RMST: variants seen among roughly 807,000 people sequenced by gnomAD.
RMST encodes rhabdomyosarcoma 2 associated transcript.
chr12:97,473,363 TA>T (rs1161774341), intron 5 of RMST, among the ~76,000 whole-genome samples: 1 of 152,158 alleles, frequency 6.6e-6, no homozygotes, highest in Non-Finnish European at 1.5e-5. Context: ...AGGTTTATAG[TA>T]AAATACGTGT....
intron 10 of RMST, among the ~76,000 whole-genome samples, chr12:97,510,302 T>G (rs1879142396): frequency 6.6e-6 from 1 of 152,190 alleles, no homozygotes. Context: ...AAAATCCTAT[T>G]CATAAAAACC....
intron 11 of RMST, among the ~76,000 whole-genome samples, chr12:97,539,602 C>T (rs1182749103): frequency 6.6e-6 from 1 of 151,610 alleles, no homozygotes; most frequent in Non-Finnish European, 1.5e-5. Context: ...TTTTTGCTAT[C>T]ATGAGATTAT....
At chr12:97,556,481 C>T (rs985726720) in intron 11 of RMST, among the ~76,000 whole-genome samples, 4 of 152,134 alleles carry the variant, frequency 2.6e-5, no homozygotes, top group Non-Finnish European at 5.9e-5. Context: ...TGTCAGGAAG[C>T]CTTGACAAGA....
intron 10 of RMST, among the ~76,000 whole-genome samples, chr12:97,527,145 G>T (rs561868514): frequency 6.6e-6 from 1 of 152,158 alleles, no homozygotes; most frequent in African/African-American, 2.4e-5. Flanking sequence ...TTAATTAAAC[G>T]TATTGAAGTG....
chr12:97,499,723 G>A lies in RMST; in HGVS notation n.1340+3667G>A, dbSNP rs566189625. On this transcript the variant is annotated intron_variant and non_coding_transcript_variant, in intron 10 of 13. Coordinates refer to ENST00000640149, the Ensembl canonical transcript of RMST. Reference sequence around the variant, plus strand: ...TGCCCAGACTGGAGTGCAATGGCACGATCTTTGCTCACTGCAGCTTCCACC... The same window carrying A: ...TGCCCAGACTGGAGTGCAATGGCACAATCTTTGCTCACTGCAGCTTCCACC... 2.1e-5 allele frequency among the ~76,000 whole-genome samples: 3 copies of A among 142,744 alleles called. No homozygotes were observed. In the East Asian group the frequency reaches 6.3e-4, roughly 30 times the overall value. The allele number at this position is 142,744 out of a possible 152,430, so 93.6% of individuals were successfully genotyped here.
At chr12:97,526,163 C>T (rs1299593311) in intron 10 of RMST, among the ~76,000 whole-genome samples, 1 of 152,056 alleles carries the variant, frequency 6.6e-6, no homozygotes, top group Non-Finnish European at 1.5e-5. Flanking sequence ...ATGTAATGCG[C>T]TTGAATCATC....
intron 3 of RMST, chr12:97,463,058 T>TCTCTCTCTCTCTCTCTCTCTCA (rs1872765006): frequency 7.0e-6 from 1 of 142,650 alleles, no homozygotes; most frequent in African/African-American, 2.6e-5. Flanking sequence ...TCTCTCTCTC[T>TCTCTCTCTCTCTCTCTCTCTCA]GAAACACACA....
intron 11 of RMST, among the ~76,000 whole-genome samples, chr12:97,537,739 G>A (rs1218868578): frequency 6.6e-6 from 1 of 151,428 alleles, no homozygotes; most frequent in African/African-American, 2.4e-5. Context: ...TCTAATGAGA[G>A]CCTGGATGTG....
At chr12:97,488,961 A>G (rs2136443416) in intron 5 of RMST, among the ~76,000 whole-genome samples, 1 of 152,306 alleles carries the variant, frequency 6.6e-6, no homozygotes, top group Middle Eastern at 3.4e-3. Flanking sequence ...ATTGAGAAGT[A>G]TGCATAAAAA....
intron 10 of RMST, among the ~76,000 whole-genome samples, chr12:97,529,703 C>A (rs200714731): frequency 6.6e-6 from 1 of 152,042 alleles, no homozygotes; most frequent in East Asian, 1.9e-4. Context: ...TTGGATGCTA[C>A]GCTCTGAAAA....
At chr12:97,513,914 C>T (rs531072054) in intron 10 of RMST, among the ~76,000 whole-genome samples, 1 of 152,210 alleles carries the variant, frequency 6.6e-6, no homozygotes, top group African/African-American at 2.4e-5. Flanking sequence ...GAAGAGCTGC[C>T]TCAAAGGAAA....
chr12:97,529,208 C>A (rs2136581603), intron 10 of RMST, among the ~76,000 whole-genome samples: 1 of 152,120 alleles, frequency 6.6e-6, no homozygotes. Context: ...TCAGGAATCC[C>A]TAAATCATCT....
At chr12:97,557,250 T>A (rs1384950401) in intron 11 of RMST, among the ~76,000 whole-genome samples, 1 of 152,182 alleles carries the variant, frequency 6.6e-6, no homozygotes, top group East Asian at 1.9e-4. Context: ...TTTTTATCAC[T>A]AGTCAAGGAA....
At chr12:97,541,738 AAAAG>A (rs1306365439) in intron 11 of RMST, among the ~76,000 whole-genome samples, 2 of 151,422 alleles carry the variant, frequency 1.3e-5, no homozygotes, top group Non-Finnish European at 3.0e-5. Flanking sequence ...AAGAAAAAGA[AAAAG>A]AAAAAGAAGA....
In RMST at chr12:97,468,377, C is replaced by G. The variant is rs145677125; in HGVS notation, n.644+2650C>G. Among the ~76,000 whole-genome samples, 734 of 152,128 alleles carry G rather than the reference C, an allele frequency of 4.8e-3. 8 individuals are homozygous for G. Among genetic ancestry groups the G allele is most frequent in the African/African-American group, 0.017 (702 of 41,546 alleles). Reference sequence around the variant, plus strand: ...AGGGCTATATAGACTCGTTACGTCCCTGAATCCTTCTAAAGTTGCTAGACT... The same window carrying G: ...AGGGCTATATAGACTCGTTACGTCCGTGAATCCTTCTAAAGTTGCTAGACT... On this transcript the variant is annotated intron_variant and non_coding_transcript_variant, in intron 5 of 13. Coordinates refer to ENST00000640149, the Ensembl canonical transcript of RMST.
At chr12:97,481,245 T>C (rs1013689666) in intron 5 of RMST, among the ~76,000 whole-genome samples, 1 of 152,182 alleles carries the variant, frequency 6.6e-6, no homozygotes, top group Non-Finnish European at 1.5e-5. Context: ...ATCCATACTT[T>C]ATGTATATTT....
intron 10 of RMST, among the ~76,000 whole-genome samples, chr12:97,523,634 A>T (rs1565931102): frequency 3.3e-5 from 5 of 151,616 alleles, no homozygotes; most frequent in Admixed American, 1.3e-4. Context: ...GAATGATACA[A>T]TTTTTTTTTC....
intron 10 of RMST, among the ~76,000 whole-genome samples, chr12:97,513,976 G>A (rs1353888076): frequency 6.6e-6 from 1 of 152,174 alleles, no homozygotes; most frequent in Non-Finnish European, 1.5e-5. Context: ...AGCAAACAGT[G>A]GCAGTTTTTT....
chr12:97,503,823 A>C (rs1366855175), intron 10 of RMST, among the ~76,000 whole-genome samples: 1 of 152,248 alleles, frequency 6.6e-6, no homozygotes, highest in Non-Finnish European at 1.5e-5. Flanking sequence ...ATTGCAGTTC[A>C]GACATGGATA....
Sources: allele counts gnomAD v4.1 joint callset (sites outside exome capture counted in the v4.1 genomes callset), GRCh38; gene constraint gnomAD v4.1.1; transcripts MANE v1.5; gene names NCBI Gene and HGNC (gene_info 2026-07-23, HGNC 2026-07-21).